Variants in TET2 observed in about 807,000 individuals in gnomAD.
TET2 encodes the protein tet methylcytosine dioxygenase 2.
TET2 carries 299 observed loss-of-function variants against 142.9 expected under a neutral mutation model. That is an observed-to-expected ratio of 2.09 (90% CI 1.90 to 2.30). The LOEUF (loss-of-function observed/expected upper bound fraction) is 2.30, where lower values mean the gene tolerates loss of function less well. Ranked by LOEUF, TET2 falls within the 30% of genes most tolerant of loss-of-function variation. TET2 has a pLI of 0.00. For synonymous variants in TET2, 819 were observed against 849.0 expected (o/e 0.96, Z 0.61); for missense variants, 2,418 against 2,378.0 (o/e 1.02, Z -0.35).
At chr4:105,175,492 T>G (rs1233649729) in intron 1 of TET2, among the ~76,000 whole-genome samples, 2 of 151,674 alleles carry the variant, frequency 1.3e-5, no homozygotes. Context: ...ATCTTTGAAG[T>G]TAAGGATATG....
In TET2 at chr4:105,235,015, GC is replaced by G. The variant is rs751765190; in HGVS notation, c.1074del (p.Ser358ArgfsTer14). 6.2e-7 allele frequency: 1 copy of G among 1,614,108 alleles called. No homozygotes were observed. Among genetic ancestry groups the G allele is most frequent in the Non-Finnish European group, 8.5e-7 (1 of 1,180,008 alleles). On this transcript the variant is annotated frameshift_variant, in exon 3 of 11. Transcript: ENST00000380013. LOFTEE classifies it high-confidence loss of function. ...GAAGAATTCTGTTCAGGTTCCAGCA[GC>G]AATTTGCAAGCTCCTGGTGGCAGCT... ...SGEEFCSGSSSNLQAPGGSSE... is the reference protein window; with the variant it reads ...SGEEFCSGSSXNLQAPGGSSE...
Position 105,236,552 on chromosome 4 carries a change from TA to T in TET2, c.2612del (p.Asn871MetfsTer2), listed in dbSNP as rs1728928800. On this transcript the variant is annotated frameshift_variant, in exon 3 of 11. Coordinates refer to ENST00000380013, the MANE Select transcript of TET2 (RefSeq NM_001127208.3). LOFTEE classifies it high-confidence loss of function. ...NLHHMQYFPN[N>X]VIPKQDLLHR... ...TGCATCACATGCAATATTTTCCAAA[TA>T]ATGTGATCCCAAAGCAAGATCTTCT... The T allele has an allele frequency of 6.2e-7, 1 of 1,613,934 alleles. No homozygotes were observed. Among genetic ancestry groups the T allele is most frequent in the Non-Finnish European group, 8.5e-7 (1 of 1,179,990 alleles).
At chr4:105,216,647 G>A (rs551091204) in intron 2 of TET2, among the ~76,000 whole-genome samples, 11 of 152,120 alleles carry the variant, frequency 7.2e-5, no homozygotes, top group Admixed American at 6.6e-4. Context: ...ACAGGTTAAA[G>A]CAGAACATTT....
chr4:105,242,036 C>G (rs1283761728), intron 4 of TET2: 4 of 1,236,616 alleles, frequency 3.2e-6, no homozygotes, highest in Non-Finnish European at 4.1e-6. Context: ...GCAGAGAAGG[C>G]CTTTCATATA....
chr4:105,150,736 A>G (rs1168399880), intron 1 of TET2, among the ~76,000 whole-genome samples: 1 of 152,172 alleles, frequency 6.6e-6, no homozygotes, highest in Non-Finnish European at 1.5e-5. Flanking sequence ...CTAGATCTCC[A>G]ATTTCTATTT....
chr4:105,149,069 G>A (rs72955128), intron 1 of TET2, among the ~76,000 whole-genome samples: 3,349 of 152,092 alleles, frequency 0.022, 126 homozygotes, highest in African/African-American at 0.076. Flanking sequence ...ACAAAAATTA[G>A]GATTTTACCA....
chr4:105,236,627 T>C lies in TET2; in HGVS notation c.2685T>C (p.Val895=). 6.2e-7 allele frequency: 1 copy of C among 1,614,046 alleles called. No homozygotes were observed. The highest frequency in any genetic ancestry group is 1.1e-5 in the South Asian group (1 of 91,084). ...AGCAGAAGTCACAACAAGCTTCAGT[T>C]CTACAGGGATATAAAAATAGAAACC... ...EQEQKSQQAS[V]LQGYKNRNQD... Residue 895 remains valine (V), a synonymous_variant, in exon 3 of 11, where the codon GTT becomes GTC. Transcript: ENST00000380013.
chr4:105,197,546 T>G (rs1726165444), intron 2 of TET2, among the ~76,000 whole-genome samples: 1 of 152,184 alleles, frequency 6.6e-6, no homozygotes, highest in Non-Finnish European at 1.5e-5. Flanking sequence ...TGCTTTGTGA[T>G]GTGGCTGAGA....
chr4:105,221,766 A>T (rs895573460), intron 2 of TET2, among the ~76,000 whole-genome samples: 2 of 151,720 alleles, frequency 1.3e-5, no homozygotes, highest in Admixed American at 1.3e-4. Flanking sequence ...CACAATGTGC[A>T]GGTTAGTTAC....
intron 1 of TET2, among the ~76,000 whole-genome samples, chr4:105,186,538 C>T (rs1419427169): frequency 1.4e-5 from 2 of 138,520 alleles, no homozygotes; most frequent in Non-Finnish European, 3.0e-5. Context: ...TGCAGTGGTG[C>T]GATCTCAGCT....
chr4:105,237,828 C>A, intron 3 of TET2: 1 of 1,099,322 alleles, frequency 9.1e-7, no homozygotes, highest in East Asian at 5.5e-5. Context: ...TATCTTCAGT[C>A]TTCATGAGTT....
intron 8 of TET2, among the ~76,000 whole-genome samples, chr4:105,262,840 C>G (rs1194378149): frequency 2.6e-5 from 4 of 151,000 alleles, no homozygotes; most frequent in Non-Finnish European, 4.4e-5. Context: ...GAAGTCAAAC[C>G]ATTGCACTCC....
At chr4:105,172,082 A>G (rs571189363) in intron 1 of TET2, among the ~76,000 whole-genome samples, 1 of 152,262 alleles carries the variant, frequency 6.6e-6, no homozygotes, top group South Asian at 2.1e-4. Flanking sequence ...GTGAAATTTC[A>G]CTGAACTTTG....
At chr4:105,247,962 TC>T (rs1297332560) in intron 6 of TET2, among the ~76,000 whole-genome samples, 1 of 152,144 alleles carries the variant, frequency 6.6e-6, no homozygotes, top group African/African-American at 2.4e-5. Context: ...CCTCAAGTGA[TC>T]CGCCCACCTT....
chr4:105,242,333 G>A (rs1355935388), intron 4 of TET2: 3 of 1,077,824 alleles, frequency 2.8e-6, no homozygotes, highest in Non-Finnish European at 3.4e-6. Context: ...CATAAGGGAA[G>A]ATATAGTCTA....
intron 9 of TET2, 140 bp downstream of exon 9, chr4:105,269,887 A>G (rs528809796): frequency 1.9e-6 from 2 of 1,036,882 alleles, no homozygotes; most frequent in African/African-American, 1.6e-5. Flanking sequence ...AGGCCTCACA[A>G]TCATAGCTGA....
At chr4:105,228,295 C>T (rs774449446) in intron 2 of TET2, among the ~76,000 whole-genome samples, 53 of 152,194 alleles carry the variant, frequency 3.5e-4, no homozygotes, top group Non-Finnish European at 1.6e-4. Flanking sequence ...ATATAACTTT[C>T]CTGCCCTTCT....
rs1183128059 is a variant in TET2 at position 105,272,690 on chromosome 4, G to A, written c.4309G>A (p.Glu1437Lys). 4 of 1,551,564 alleles carry A rather than the reference G, an allele frequency of 2.6e-6. No homozygotes were observed. The highest frequency in any genetic ancestry group is 2.4e-5 in the South Asian group (2 of 84,062). ...DEFGSVEAQEEKKRSGAIQVL... is the reference protein window; with the variant it reads ...DEFGSVEAQEKKKRSGAIQVL... ...GTTTGGGAGTGTGGAAGCTCAGGAG[G>A]AGAAAAAACGGAGTGGTGCCATTCA... The change falls in exon 10 of 11, where the codon GAG (glutamate) becomes AAG (lysine). Residue 1437 changes from glutamate to lysine, a missense_variant. Physicochemically the swap from Glu to Lys is moderately conservative, Grantham distance 56. Transcript: ENST00000380013.
chr4:105,276,308 A>C lies in TET2; in HGVS notation c.5798A>C (p.Glu1933Ala). The change falls in exon 11 of 11, where the codon GAA becomes GCA. Residue 1933 changes from glutamate (E) to alanine (A), a missense_variant. Coordinates refer to ENST00000380013, the MANE Select transcript of TET2 (RefSeq NM_001127208.3). ...EKAREKEEECEKYGPDYVPQK... is the reference protein window; with the variant it reads ...EKAREKEEECAKYGPDYVPQK... ...GCCCGTGAGAAAGAGGAAGAGTGTG[A>C]AAAGTATGGCCCAGACTATGTGCCT... 2 of 1,551,714 alleles carry C rather than the reference A, an allele frequency of 1.3e-6. No individual in the cohort carries two copies. Among genetic ancestry groups the C allele is most frequent in the Non-Finnish European group, 1.7e-6 (2 of 1,146,968 alleles).
Sources: allele counts gnomAD v4.1 joint callset (sites outside exome capture counted in the v4.1 genomes callset), GRCh38; gene constraint gnomAD v4.1.1; transcripts MANE v1.5; gene names NCBI Gene and HGNC (gene_info 2026-07-23, HGNC 2026-07-21).